The following CDH12 variants were observed in gnomAD, a reference collection of about 807,000 sequenced individuals.
CDH12 encodes cadherin-12.
CDH12 carries 41 observed loss-of-function variants against 74.1 expected under a neutral mutation model. That is an observed-to-expected ratio of 0.55 (90% CI 0.43 to 0.72). CDH12 has a LOEUF of 0.72. Among genes scored for constraint, CDH12 ranks in the 30% least tolerant of loss-of-function variants. The probability of loss-of-function intolerance (pLI) is 0.00; values close to 1 mark genes in which losing one functional copy is unlikely to be tolerated. For synonymous variants in CDH12, 399 were observed against 355.0 expected (o/e 1.12, Z -1.39); for missense variants, 945 against 977.2 (o/e 0.97, Z 0.44).
In CDH12 at chr5:21,751,643, T is replaced by TGTGTGTGTGC. The variant is rs1408067198; in HGVS notation, c.*93_*94insGCACACACAC. ...GTGTGTGTGTGTGTTTGTGTGTGTG[T>TGTGTGTGTGC]GTGTGTGTGAGAGAGATTTCTATTA... On this transcript the variant is annotated 3_prime_UTR_variant, in exon 15 of 15. Coordinates refer to ENST00000382254, the MANE Select transcript of CDH12 (RefSeq NM_004061.5). 26 of 878,054 alleles carry TGTGTGTGTGC rather than the reference T, an allele frequency of 3.0e-5. No homozygotes were observed. Among genetic ancestry groups the TGTGTGTGTGC allele is most frequent in the Non-Finnish European group, 4.3e-5 (24 of 558,108 alleles). The allele number at this position is 878,054 out of a possible 1,614,324, so 54.4% of individuals were successfully genotyped here. A position where few individuals can be genotyped will look rare whatever the true frequency, so the allele number is the denominator to read the frequency against.
chr5:22,292,341 GTTTTT>G (rs60010478), intron 3 of CDH12, among the ~76,000 whole-genome samples: 2 of 105,404 alleles, frequency 1.9e-5, no homozygotes, highest in Non-Finnish European at 4.0e-5. Flanking sequence ...TTTGGTTTTT[GTTTTT>G]TTTTTTTTTT....
rs149230668 is a variant in CDH12 at position 22,696,735 on chromosome 5, C to G, written c.-523+156323G>C. Among the ~76,000 whole-genome samples, 438 of 152,210 alleles carry G rather than the reference C, an allele frequency of 2.9e-3. 5 individuals carry two copies. The highest frequency in any genetic ancestry group is 0.01 in the African/African-American group (416 of 41,532). On this transcript the variant is annotated intron_variant, in intron 1 of 14. Transcript: ENST00000382254. ...TTCTGAAGATGTTTCTTCTTTCACA[C>G]CAATACATACTTCAGTATGCATTTT...
chr5:21,835,262 T>C (rs1194778398), intron 8 of CDH12, among the ~76,000 whole-genome samples: 3 of 151,944 alleles, frequency 2.0e-5, no homozygotes, highest in African/African-American at 4.8e-5. Context: ...TTTGAGACTA[T>C]ATGAATATAC....
intron 4 of CDH12, among the ~76,000 whole-genome samples, chr5:22,080,373 A>C (rs1742641400): frequency 6.6e-6 from 1 of 152,194 alleles, no homozygotes; most frequent in Non-Finnish European, 1.5e-5. Context: ...GGAGTGTCCA[A>C]AAGTTATACT....
chr5:22,683,934 C>G (rs535857021), intron 1 of CDH12, among the ~76,000 whole-genome samples: 67 of 152,300 alleles, frequency 4.4e-4, no homozygotes, highest in African/African-American at 1.6e-3. Flanking sequence ...AATCAAGACT[C>G]TCTAGTCACT....
At chr5:22,027,877 T>C (rs1358920415) in intron 5 of CDH12, among the ~76,000 whole-genome samples, 1 of 152,164 alleles carries the variant, frequency 6.6e-6, no homozygotes, top group Non-Finnish European at 1.5e-5. Context: ...TGTTTGCTCT[T>C]GCTTTTCTAG....
At chr5:22,433,630 T>G (rs891908045) in intron 2 of CDH12, among the ~76,000 whole-genome samples, 4 of 152,112 alleles carry the variant, frequency 2.6e-5, no homozygotes, top group African/African-American at 9.6e-5. Context: ...TTAATAGATT[T>G]GAATTTTCAC....
At chr5:22,165,792 G>A (rs1326399822) in intron 4 of CDH12, among the ~76,000 whole-genome samples, 1 of 152,166 alleles carries the variant, frequency 6.6e-6, no homozygotes, top group African/African-American at 2.4e-5. Context: ...CCAAAACCAA[G>A]ATGGCGAGGA....
chr5:21,780,864 A>G (rs1745868349), intron 11 of CDH12, among the ~76,000 whole-genome samples: 1 of 152,222 alleles, frequency 6.6e-6, no homozygotes, highest in Non-Finnish European at 1.5e-5. Context: ...AATGAAATAA[A>G]TGAAAGCATG....
intron 6 of CDH12, among the ~76,000 whole-genome samples, chr5:21,935,252 G>C (rs1235645864): frequency 6.6e-6 from 1 of 151,928 alleles, no homozygotes; most frequent in African/African-American, 2.4e-5. Flanking sequence ...TTTTATATAT[G>C]CTTTCATTTT....
intron 3 of CDH12, among the ~76,000 whole-genome samples, chr5:22,370,583 T>C (rs918182849): frequency 6.6e-6 from 1 of 152,168 alleles, no homozygotes; most frequent in Non-Finnish European, 1.5e-5. Context: ...TCTTTGAGTA[T>C]TTTCCTAACA....
At chr5:22,658,124 T>C (rs1441860429) in intron 1 of CDH12, among the ~76,000 whole-genome samples, 1 of 152,176 alleles carries the variant, frequency 6.6e-6, no homozygotes, top group Admixed American at 6.5e-5. Flanking sequence ...CTGAGTTAAG[T>C]AGTAATTTGT....
intron 3 of CDH12, among the ~76,000 whole-genome samples, chr5:22,394,118 G>A (rs769190832): frequency 1.8e-4 from 28 of 152,120 alleles, no homozygotes; most frequent in African/African-American, 3.6e-4. Flanking sequence ...TGTTGGAAAC[G>A]TGTGCTGTTA....
chr5:22,796,251 T>C (rs1748202091), intron 1 of CDH12, among the ~76,000 whole-genome samples: 1 of 152,138 alleles, frequency 6.6e-6, no homozygotes, highest in Admixed American at 6.5e-5. Flanking sequence ...ATTTTTAATT[T>C]TTTGAGGAAC....
chr5:21,760,679 C>T lies in CDH12; in HGVS notation c.1516-4G>A, dbSNP rs892665269. 11 of 1,529,012 alleles carry T rather than the reference C, an allele frequency of 7.2e-6. No homozygotes were observed. Among genetic ancestry groups the T allele is most frequent in the Non-Finnish European group, 1.0e-5 (11 of 1,102,900 alleles). 94.7% of individuals were successfully genotyped at this position (1,529,012 alleles called of 1,614,324 possible). On this transcript the variant is annotated splice_polypyrimidine_tract_variant and splice_region_variant and intron_variant, in intron 12 of 14. Transcript: ENST00000382254. ...CAGCACTGACTATCTGAATTATCTGCAACAGAGTTGAGATTAAAGTCGGTC... is the reference window on the plus strand; with the variant it reads ...CAGCACTGACTATCTGAATTATCTGTAACAGAGTTGAGATTAAAGTCGGTC...
intron 5 of CDH12, among the ~76,000 whole-genome samples, chr5:22,018,834 C>T (rs889514933): frequency 4.6e-5 from 7 of 151,944 alleles, no homozygotes; most frequent in South Asian, 2.1e-4. Context: ...CATTTTGGGA[C>T]GCCAAGGCAG....
intron 1 of CDH12, among the ~76,000 whole-genome samples, chr5:22,752,384 G>A (rs931148552): frequency 9.9e-5 from 15 of 151,538 alleles, no homozygotes; most frequent in Non-Finnish European, 1.9e-4. Context: ...CTAACAATGA[G>A]TTTCATGAAG....
intron 3 of CDH12, among the ~76,000 whole-genome samples, chr5:22,300,216 G>A (rs1473439153): frequency 1.3e-5 from 2 of 152,134 alleles, no homozygotes; most frequent in African/African-American, 4.8e-5. Context: ...CAAAGTAAAA[G>A]TGTGGGTGCC....
rs189152199 is a variant in CDH12 at position 21,835,373 on chromosome 5, A to G, written c.814+6788T>C. ...ATATGTTACGTATGTGTGTGTATAT[A>G]TATATATATGTATACACATATATAT... is the stretch of plus-strand genomic sequence containing the variant. On this transcript the variant is annotated intron_variant, in intron 8 of 14. Coordinates refer to ENST00000382254, the MANE Select transcript of CDH12 (RefSeq NM_004061.5). Among the ~76,000 whole-genome samples the G allele has an allele frequency of 4.3e-3, 654 of 151,836 alleles. 8 individuals carry two copies. The highest frequency in any genetic ancestry group is 0.015 in the African/African-American group (621 of 41,424).
Sources: allele counts gnomAD v4.1 joint callset (sites outside exome capture counted in the v4.1 genomes callset), GRCh38; gene constraint gnomAD v4.1.1; transcripts MANE v1.5; gene names NCBI Gene and HGNC (gene_info 2026-07-23, HGNC 2026-07-21).